Variants in THOC1 observed in about 807,000 individuals in gnomAD.
The protein encoded by THOC1 is THO complex 1.
A neutral mutation model predicts 97.3 loss-of-function variants in THOC1; 29 were observed. The observed-to-expected ratio is 0.30, with a 90% CI of 0.22 to 0.41. The LOEUF is 0.41. THOC1 is among the 10% of genes least tolerant of loss of function. The probability of loss-of-function intolerance (pLI) is 1.00; values close to 1 mark genes in which losing one functional copy is unlikely to be tolerated. For missense variants in THOC1, 529 were observed against 761.9 expected (o/e 0.69, Z 3.60); for synonymous variants, 255 against 257.0 (o/e 0.99, Z 0.07).
chr18:216,494 C>G lies in THOC1; in HGVS notation c.1594G>C (p.Glu532Gln), dbSNP rs746719209. ...LENMVIKLAK[E>Q]LPPPSEEIKT... ...TGATCTATGGTACTTACCGGTAATTCCTTGGCTAGCTTTATTACCATATTT... is the reference window on the plus strand; with the variant it reads ...TGATCTATGGTACTTACCGGTAATTGCTTGGCTAGCTTTATTACCATATTT... The change falls in exon 19 of 21, where the codon GAA becomes CAA. Residue 532 changes from glutamate to glutamine, a missense_variant. Glu to Gln is a conservative substitution (Grantham distance 29). Around this residue, in one of 8 missense-constraint regions of THOC1, gnomAD observed 27 missense variants for 80.6 expected, o/e 0.33. Coordinates refer to ENST00000261600, the MANE Select transcript of THOC1 (RefSeq NM_005131.3). The G allele has an allele frequency of 1.2e-6, 2 of 1,613,476 alleles. No individual in the cohort carries two copies. Among genetic ancestry groups the G allele is most frequent in the Non-Finnish European group, 8.5e-7 (1 of 1,179,728 alleles).
intron 11 of THOC1, among the ~76,000 whole-genome samples, chr18:230,639 T>C (rs1380454462): frequency 6.6e-6 from 1 of 152,242 alleles, no homozygotes; most frequent in African/African-American, 2.4e-5. Flanking sequence ...ATACACTCAA[T>C]TGTACCCTTT....
chr18:226,664 A>C (rs148831608), intron 12 of THOC1, 137 bp downstream of exon 12: 1 of 589,110 alleles, frequency 1.7e-6, no homozygotes, highest in Admixed American at 3.2e-5. Flanking sequence ...AAAGCCTTCA[A>C]TGTATCAGCT....
At chr18:232,087 A>T (rs1911503370) in intron 11 of THOC1, among the ~76,000 whole-genome samples, 1 of 152,122 alleles carries the variant, frequency 6.6e-6, no homozygotes, top group Admixed American at 6.6e-5. Flanking sequence ...TTCCAATAAA[A>T]ATTATTATTC....
chr18:230,499 G>A (rs1295054906), intron 11 of THOC1, among the ~76,000 whole-genome samples: 2 of 152,082 alleles, frequency 1.3e-5, no homozygotes, highest in Non-Finnish European at 2.9e-5. Context: ...CTGAATCAGG[G>A]GTGGAAAGGA....
chr18:247,575 T>C (rs1272652911), intron 10 of THOC1, among the ~76,000 whole-genome samples: 2 of 152,222 alleles, frequency 1.3e-5, no homozygotes, highest in Admixed American at 6.5e-5. Context: ...AGATAGAATA[T>C]ATTCTGCAAA....
At chr18:249,478 A>G (rs1235615532) in intron 9 of THOC1, among the ~76,000 whole-genome samples, 1 of 152,102 alleles carries the variant, frequency 6.6e-6, no homozygotes, top group African/African-American at 2.4e-5. Flanking sequence ...CCTGACCAAC[A>G]TACTGAAACC....
At chr18:225,522 C>T in intron 12 of THOC1, 119 bp from the exon 13 acceptor site, 1 of 770,314 alleles carries the variant, frequency 1.3e-6, no homozygotes, top group Non-Finnish European at 2.1e-6. Flanking sequence ...CAAAAATTAC[C>T]AAGACAAGAA....
intron 5 of THOC1, 189 bp downstream of exon 5, chr18:259,997 A>G (rs1322501857): frequency 1.9e-6 from 1 of 523,466 alleles, no homozygotes; most frequent in Non-Finnish European, 3.3e-6. Flanking sequence ...CAAATTTTGT[A>G]TTTCAAGTTT....
chr18:232,501 C>T (rs1598294346), intron 11 of THOC1, among the ~76,000 whole-genome samples: 1 of 151,404 alleles, frequency 6.6e-6, no homozygotes, highest in East Asian at 1.9e-4. Flanking sequence ...ATCTTATCAC[C>T]CAGTCTTCTG....
At chr18:219,597 G>A (rs553522155) in intron 17 of THOC1, among the ~76,000 whole-genome samples, 8 of 152,202 alleles carry the variant, frequency 5.3e-5, no homozygotes, top group South Asian at 2.1e-4. Flanking sequence ...AAGTAAAACC[G>A]TCAAAACTAA....
chr18:267,019 G>GTA (rs10531243), intron 1 of THOC1, among the ~76,000 whole-genome samples: 2,160 of 148,534 alleles, frequency 0.015, 20 homozygotes, highest in Middle Eastern at 0.029. Flanking sequence ...GTATATATAT[G>GTA]TATATATATA....
chr18:220,477 C>G (rs1265890278), intron 17 of THOC1, among the ~76,000 whole-genome samples: 1 of 152,218 alleles, frequency 6.6e-6, no homozygotes, highest in African/African-American at 2.4e-5. Flanking sequence ...TAGTGGGGCA[C>G]AGACATCTTT....
intron 9 of THOC1, among the ~76,000 whole-genome samples, chr18:252,256 G>C (rs558075307): frequency 5.3e-5 from 8 of 152,300 alleles, no homozygotes; most frequent in Non-Finnish European, 8.8e-5. Flanking sequence ...AAGGGATTAA[G>C]GGGAGGAGCT....
chr18:237,935 T>TGGCTCACCGCAACCTC (rs1413807627), intron 11 of THOC1, among the ~76,000 whole-genome samples: 1 of 152,164 alleles, frequency 6.6e-6, no homozygotes, highest in African/African-American at 2.4e-5. Flanking sequence ...GGTGCAATCT[T>TGGCTCACCGCAACCTC]GGCTCACCGC....
intron 7 of THOC1, among the ~76,000 whole-genome samples, chr18:256,642 A>G (rs544814091): frequency 6.6e-6 from 1 of 152,354 alleles, no homozygotes; most frequent in Non-Finnish European, 1.5e-5. Context: ...CCTGTTGCCC[A>G]GGCTGAAGTG....
intron 18 of THOC1, among the ~76,000 whole-genome samples, 167 bp from the exon 19 acceptor site, chr18:216,800 T>C (rs1252647027): frequency 1.3e-5 from 2 of 152,256 alleles, no homozygotes; most frequent in African/African-American, 4.8e-5. Flanking sequence ...AGTCCACTGA[T>C]AATAACAAAC....
At chr18:251,541 A>T (rs570849965) in intron 9 of THOC1, among the ~76,000 whole-genome samples, 1 of 151,410 alleles carries the variant, frequency 6.6e-6, no homozygotes, top group Non-Finnish European at 1.5e-5. Context: ...TTCCTTCAAC[A>T]TTGTTTTATT....
intron 18 of THOC1, 99 bp downstream of exon 18, chr18:218,787 T>A (rs1464140574): frequency 1.1e-6 from 1 of 922,492 alleles, no homozygotes; most frequent in Non-Finnish European, 1.7e-6. Context: ...CACTATTCTA[T>A]CTACTGCCTC....
intron 11 of THOC1, among the ~76,000 whole-genome samples, chr18:230,619 A>T (rs1172052582): frequency 1.3e-5 from 2 of 152,262 alleles, no homozygotes; most frequent in African/African-American, 2.4e-5. Flanking sequence ...CACAGCTGAG[A>T]GTAAAACTAA....
Sources: gnomAD v4.1 joint callset for allele counts (sites outside exome capture counted in the v4.1 genomes callset) on GRCh38, gnomAD v4.1.1 for gene constraint, gnomAD v4.1.1 regional missense constraint, MANE v1.5 for transcripts, NCBI Gene and HGNC (gene_info 2026-07-23, HGNC 2026-07-21) for gene names.